NOS2: variants seen among roughly 807,000 people sequenced by gnomAD.
NOS2 encodes the protein nitric oxide synthase 2.
Under a neutral mutation model 136.0 loss-of-function variants are expected in NOS2, and 96 were observed. That is an observed-to-expected ratio of 0.71 (90% CI 0.60 to 0.84). The LOEUF (loss-of-function observed/expected upper bound fraction) is 0.84, where lower values mean the gene tolerates loss of function less well. Among genes scored for constraint, NOS2 ranks in the 40% least tolerant of loss-of-function variants. The probability of loss-of-function intolerance (pLI) is 0.00; values close to 1 mark genes in which losing one functional copy is unlikely to be tolerated. For synonymous variants in NOS2, 539 were observed against 587.5 expected (o/e 0.92, Z 1.20); for missense variants, 1,237 against 1,496.9 (o/e 0.83, Z 2.87).
At chr17:27,759,456 T>C (rs1908039531) in intron 25 of NOS2, among the ~76,000 whole-genome samples, 1 of 152,034 alleles carries the variant, frequency 6.6e-6, no homozygotes, top group Admixed American at 6.5e-5. Context: ...CTCTGCAGGG[T>C]ATGGATCCCG....
At chr17:27,769,907 GC>G (rs1473691030) in intron 15 of NOS2, among the ~76,000 whole-genome samples, 1 of 152,184 alleles carries the variant, frequency 6.6e-6, no homozygotes. Context: ...CTCCGAATGC[GC>G]CGTGATTCTG....
In NOS2 at chr17:27,778,906, G is replaced by A. The variant is rs1137933; in HGVS notation, c.1155C>T (p.Asp385=). The part of the protein sequence containing the change: ...GTEIGVRDFC[D]VQRYNILEEV... ...CCTCCAGGATGTTGTAGCGCTGGAC[G>A]TCACAGAAGTCCCGGACTCCGATCT... The change falls in exon 10 of 27, where the codon GAC becomes GAT. Residue 385 remains aspartate, a synonymous_variant. Transcript: ENST00000313735. The A allele has an allele frequency of 0.22, 345,549 of 1,606,554 alleles. 38,212 individuals carry two copies. Among genetic ancestry groups the A allele is most frequent in the Middle Eastern group, 0.24 (1,423 of 6,032 alleles).
At chr17:27,769,222 C>G (rs1443874475) in intron 16 of NOS2, 71 bp from the exon 17 acceptor site, 1 of 1,452,344 alleles carries the variant, frequency 6.9e-7, no homozygotes, top group East Asian at 2.4e-5. Flanking sequence ...CCAGCACCAA[C>G]AGCCTGGAGA....
In NOS2 at chr17:27,798,764, A is replaced by G; in HGVS notation, c.46T>C (p.Tyr16His). Reference sequence around the variant, plus strand: ...ATGTCTTTTTCCCCATTCATTGCATACTGGTGGAATTTGGTCTTGAACAGA... The same window carrying G: ...ATGTCTTTTTCCCCATTCATTGCATGCTGGTGGAATTTGGTCTTGAACAGA... ...KFLFKTKFHQ[Y>H]AMNGEKDINN... Residue 16 changes from tyrosine (Y) to histidine (H), a missense_variant, in exon 2 of 27, where the codon TAT (tyrosine) becomes CAT (histidine). Physicochemically the swap from Tyr to His is moderately conservative, Grantham distance 83. Around this residue, in one of 3 missense-constraint regions of NOS2, gnomAD observed 440 missense variants for 545.4 expected, o/e 0.81. Transcript: ENST00000313735. 1.2e-6 allele frequency: 2 copies of G among 1,614,074 alleles called. No homozygotes were observed. The highest frequency in any genetic ancestry group is 1.7e-5 in the Admixed American group (1 of 60,012).
chr17:27,792,391 C>T (rs1909219556), intron 2 of NOS2, among the ~76,000 whole-genome samples: 1 of 152,216 alleles, frequency 6.6e-6, no homozygotes, highest in Non-Finnish European at 1.5e-5. Context: ...TACTTTTCCA[C>T]ATCTTCCAAC....
intron 25 of NOS2, 60 bp downstream of exon 25, chr17:27,759,970 C>T: frequency 7.0e-7 from 1 of 1,431,340 alleles, no homozygotes; most frequent in East Asian, 2.6e-5. Flanking sequence ...CTGTGGGGAC[C>T]CAGGGCTCAC....
intron 2 of NOS2, among the ~76,000 whole-genome samples, chr17:27,797,926 T>G (rs1676942935): frequency 6.6e-6 from 1 of 152,194 alleles, no homozygotes; most frequent in Admixed American, 6.5e-5. Flanking sequence ...AGAGCTTCTA[T>G]TTCCTTATCT....
chr17:27,783,692 AT>A (rs1489769876), intron 5 of NOS2, among the ~76,000 whole-genome samples: 2 of 152,164 alleles, frequency 1.3e-5, no homozygotes, highest in Non-Finnish European at 2.9e-5. Flanking sequence ...TTTTGCATCT[AT>A]TTTATAGCCA....
At chr17:27,773,817 C>T (rs1266365688) in intron 12 of NOS2, among the ~76,000 whole-genome samples, 3 of 152,238 alleles carry the variant, frequency 2.0e-5, no homozygotes, top group Non-Finnish European at 2.9e-5. Context: ...GCTTTGTGAT[C>T]CACACAACCC....
In NOS2 at chr17:27,765,675, T is replaced by C; in HGVS notation, c.2288A>G (p.Gln763Arg). The C allele has an allele frequency of 1.9e-6, 3 of 1,613,234 alleles. No homozygotes were observed. The highest frequency in any genetic ancestry group is 2.5e-6 in the Non-Finnish European group (3 of 1,179,862). ...ILVELSCEDG[Q>R]GLNYLPGEHL... Reference sequence around the variant, plus strand: ...CTCCCCCGGCAGGTAGTTCAGGCCTTGGCCATCCTCACAGGAGAGTTCCAC... The same window carrying C: ...CTCCCCCGGCAGGTAGTTCAGGCCTCGGCCATCCTCACAGGAGAGTTCCAC... Residue 763 changes from glutamine to arginine, a missense_variant, in exon 20 of 27, where the codon CAA becomes CGA. By Grantham distance (43) the Gln-to-Arg change is conservative (BLOSUM62 1). Around this residue, in one of 3 missense-constraint regions of NOS2, gnomAD observed 782 missense variants for 909.9 expected, o/e 0.86. Coordinates refer to ENST00000313735, the MANE Select transcript of NOS2 (RefSeq NM_000625.4).
chr17:27,757,684 T>G (rs1907972369), intron 26 of NOS2, among the ~76,000 whole-genome samples: 2 of 152,198 alleles, frequency 1.3e-5, no homozygotes, highest in Non-Finnish European at 2.9e-5. Context: ...TGAAGGGTCC[T>G]GATGAACAGC....
intron 2 of NOS2, among the ~76,000 whole-genome samples, chr17:27,796,156 G>T (rs367922287): frequency 2.6e-5 from 4 of 151,980 alleles, no homozygotes; most frequent in Admixed American, 2.0e-4. Context: ...GAAAAGAAAA[G>T]GAAAGAAAAA....
rs774597084 is a variant in NOS2, at chr17:27,760,729, G to A, written c.2904C>T (p.His968=). Residue 968 remains histidine (H), a synonymous_variant, in exon 24 of 27, where the codon CAC becomes CAT. Transcript: ENST00000313735. ...AAGGATGGGAGGGATCCTCGGGGAG[G>A]TGGAAGCCGCTGGCACTGAAGAGGA... is the stretch of plus-strand genomic sequence containing the variant. The part of the protein sequence containing the change: ...PCFVRNASGF[H]LPEDPSHPCI... 5.8e-6 allele frequency: 9 copies of A among 1,549,744 alleles called. No homozygotes were observed. The highest frequency in any genetic ancestry group is 7.0e-6 in the Non-Finnish European group (8 of 1,146,982).
Position 27,762,938 on chromosome 17 carries a change from G to T in NOS2, c.2660C>A (p.Pro887Gln), listed in dbSNP as rs200892252. ...GAAGCCAGCAGACACCCGCAGGGACGGGAACTCCTCTAGCACCTCCAGGAA... is the reference window on the plus strand; with the variant it reads ...GAAGCCAGCAGACACCCGCAGGGACTGGAACTCCTCTAGCACCTCCAGGAA... ...PTFLEVLEEF[P>Q]SLRVSAGFLL... Residue 887 changes from proline to glutamine, a missense_variant, in exon 22 of 27, where the codon CCG (proline) becomes CAG (glutamine). Pro to Gln is a moderately conservative substitution (Grantham distance 76). Around this residue, in one of 3 missense-constraint regions of NOS2, gnomAD observed 782 missense variants for 909.9 expected, o/e 0.86. Coordinates refer to ENST00000313735, the MANE Select transcript of NOS2 (RefSeq NM_000625.4). The T allele has an allele frequency of 3.7e-6, 6 of 1,606,016 alleles. No homozygotes were observed. The highest frequency in any genetic ancestry group is 1.7e-4 in the Middle Eastern group (1 of 6,034).
chr17:27,765,741 G>C (rs1404629538), intron 19 of NOS2, 25 bp from the exon 20 acceptor site: 2 of 1,575,834 alleles, frequency 1.3e-6, no homozygotes, highest in African/African-American at 1.4e-5. Context: ...TGAAGCCTCA[G>C]GTGACATTGC....
At chr17:27,772,519 C>A in intron 13 of NOS2, 67 bp from the exon 14 acceptor site, 1 of 1,582,634 alleles carries the variant, frequency 6.3e-7, no homozygotes, top group East Asian at 2.2e-5. Flanking sequence ...AATGGGGGAC[C>A]AGGGGAATGG....
At position 27,763,015 on chromosome 17, in the gene NOS2, A is replaced by C; in HGVS notation, c.2593-10T>G. The C allele has an allele frequency of 1.3e-6, 2 of 1,582,210 alleles. No individual in the cohort carries two copies. The highest frequency in any genetic ancestry group is 1.7e-6 in the Non-Finnish European group (2 of 1,163,222). Reference sequence around the variant, plus strand: ...TGCTGTACTCTGAGGGCTAAAAGCCAAGGGTGATGTCAGTGACTCAGGGCG... The same window carrying C: ...TGCTGTACTCTGAGGGCTAAAAGCCCAGGGTGATGTCAGTGACTCAGGGCG... On this transcript the variant is annotated splice_polypyrimidine_tract_variant and intron_variant, in intron 21 of 26. Coordinates refer to ENST00000313735, the MANE Select transcript of NOS2 (RefSeq NM_000625.4).
chr17:27,766,406 T>G, intron 19 of NOS2, 104 bp downstream of exon 19: 3 of 1,050,636 alleles, frequency 2.9e-6, no homozygotes, highest in Non-Finnish European at 4.4e-6. Context: ...AATGCCAGCA[T>G]ATGCTCTTCT....
chr17:27,782,086 A>G lies in NOS2; in HGVS notation c.651T>C (p.Cys217=), dbSNP rs200497402. 3 of 1,614,014 alleles carry G rather than the reference A, an allele frequency of 1.9e-6. No homozygotes were observed. In the South Asian group the frequency reaches 3.3e-5, roughly 18 times the overall value. Residue 217 remains cysteine (C), a synonymous_variant, in exon 7 of 27, where the codon TGT becomes TGC. Coordinates refer to ENST00000313735, the MANE Select transcript of NOS2 (RefSeq NM_000625.4). ...SNLQVFDARS[C]STAREMFEHI... ...GTTCAAACATTTCCCGGGCAGTGGA[A>G]CAGCTGCGGGCATCGAAGACCTGCA...
Sources: gnomAD v4.1 joint callset for allele counts (sites outside exome capture counted in the v4.1 genomes callset) on GRCh38, gnomAD v4.1.1 for gene constraint, gnomAD v4.1.1 regional missense constraint, MANE v1.5 for transcripts, NCBI Gene and HGNC (gene_info 2026-07-23, HGNC 2026-07-21) for gene names.